FUT8: variants seen among roughly 807,000 people sequenced by gnomAD.
FUT8 encodes alpha-(1,6)-fucosyltransferase.
FUT8 carries 29 observed loss-of-function variants against 71.3 expected under a neutral mutation model. The observed-to-expected ratio is 0.41, with a 90% CI of 0.30 to 0.55. The LOEUF (loss-of-function observed/expected upper bound fraction) is 0.55, where lower values mean the gene tolerates loss of function less well. Among genes scored for constraint, FUT8 ranks in the 20% least tolerant of loss-of-function variants. FUT8 has a pLI of 0.34. For missense variants in FUT8, 544 were observed against 702.1 expected (o/e 0.77, Z 2.55); for synonymous variants, 254 against 239.3 (o/e 1.06, Z -0.57).
At chr14:65,649,718 T>C (rs888250519) in intron 6 of FUT8, among the ~76,000 whole-genome samples, 4 of 152,248 alleles carry the variant, frequency 2.6e-5, no homozygotes, top group East Asian at 1.9e-4. Context: ...ATAAATGTTA[T>C]ATTTTCCTTT....
chr14:65,423,301 G>A (rs1313160407), intron 1 of FUT8, among the ~76,000 whole-genome samples: 3 of 121,470 alleles, frequency 2.5e-5, no homozygotes, highest in African/African-American at 6.4e-5. Flanking sequence ...TGGCTCTGTC[G>A]GCCAGGCTGG....
chr14:65,376,672 A>G, the FUT8 span, among the ~76,000 whole-genome samples: 1 of 151,876 alleles, frequency 6.6e-6, no homozygotes, highest in Non-Finnish European at 1.5e-5. Flanking sequence ...TTGGCCTCCC[A>G]AAGTGCTGGG....
rs539221727 is a variant in FUT8, at chr14:65,600,630, G to A, written c.204-15348G>A. ...CATTTGTAAAAAATATGCATAAGAC[G>A]ATATTTGTAGTAACATGGGTTTCAT... On this transcript the variant is annotated intron_variant, in intron 3 of 10. Transcript: ENST00000673929. Among the ~76,000 whole-genome samples the A allele has an allele frequency of 1.2e-4, 18 of 152,244 alleles. No homozygotes were observed. The South Asian group carries it at 1.9e-3, about 16-fold the overall frequency.
intron 6 of FUT8, among the ~76,000 whole-genome samples, chr14:65,634,894 TG>T (rs1566866204): frequency 6.6e-6 from 1 of 152,182 alleles, no homozygotes; most frequent in East Asian, 1.9e-4. Context: ...TGATGGGGAT[TG>T]CATTGAATTT....
rs142166863 is a variant in FUT8, at chr14:65,606,653, A to G, written c.204-9325A>G. On this transcript the variant is annotated intron_variant, in intron 3 of 10. Coordinates refer to ENST00000673929, the MANE Select transcript of FUT8 (RefSeq NM_001371533.1). ...TCTAGGTGCTTTATTCTGTTCCATT[A>G]GTCTTATCTGGCTTTGTGCCAATAC... Among the ~76,000 whole-genome samples, 952 of 151,978 alleles carry G rather than the reference A, an allele frequency of 6.3e-3. 17 individuals carry two copies. Among genetic ancestry groups the G allele is most frequent in the East Asian group, 0.035 (182 of 5,182 alleles).
intron 1 of FUT8, among the ~76,000 whole-genome samples, chr14:65,426,949 C>T (rs1348702275): frequency 6.6e-6 from 1 of 152,010 alleles, no homozygotes; most frequent in African/African-American, 2.4e-5. Flanking sequence ...AGCTCTGCCT[C>T]CCGGGTTCAG....
intron 2 of FUT8, among the ~76,000 whole-genome samples, chr14:65,556,060 C>T (rs762548487): frequency 1.8e-4 from 28 of 152,248 alleles, no homozygotes; most frequent in Non-Finnish European, 4.4e-5. Flanking sequence ...TTGCTAGAGA[C>T]AGAAAATAAC....
At chr14:65,674,605 C>T (rs1188004781) in intron 7 of FUT8, among the ~76,000 whole-genome samples, 1 of 152,182 alleles carries the variant, frequency 6.6e-6, no homozygotes, top group African/African-American at 2.4e-5. Flanking sequence ...TTCAGAATAT[C>T]TCTATGCTTA....
intron 3 of FUT8, among the ~76,000 whole-genome samples, chr14:65,593,726 G>A (rs1011700984): frequency 5.3e-5 from 8 of 152,040 alleles, no homozygotes; most frequent in African/African-American, 1.7e-4. Flanking sequence ...ACAGGCATGC[G>A]CCTCCACACC....
Position 65,446,361 on chromosome 14 carries a change from G to A in FUT8, c.-325-9260G>A, listed in dbSNP as rs1000969385. Among the ~76,000 whole-genome samples, 4 of 152,168 alleles carry A rather than the reference G, an allele frequency of 2.6e-5. No individual in the cohort carries two copies. The South Asian group carries it at 8.3e-4, about 31-fold the overall frequency. The stretch of plus-strand genomic sequence containing the variant: ...AATTAGGTGTGATCCCTTTGGCAAG[G>A]CAATAGGAAGTGTGTCATCAGAAGG... On this transcript the variant is annotated intron_variant, in intron 1 of 10. Transcript: ENST00000673929.
At chr14:65,436,742 A>T (rs554619655) in intron 1 of FUT8, among the ~76,000 whole-genome samples, 1 of 152,290 alleles carries the variant, frequency 6.6e-6, no homozygotes, top group East Asian at 1.9e-4. Context: ...TCCAGGGGAC[A>T]TCATTCACAT....
the FUT8 span, among the ~76,000 whole-genome samples, chr14:65,372,481 T>A: frequency 6.6e-6 from 1 of 151,900 alleles, no homozygotes; most frequent in African/African-American, 2.4e-5. Flanking sequence ...AGTGGCGCGA[T>A]CTTGGCTCAC....
intron 2 of FUT8, among the ~76,000 whole-genome samples, chr14:65,540,314 A>G (rs1884601944): frequency 6.6e-6 from 1 of 152,188 alleles, no homozygotes; most frequent in South Asian, 2.1e-4. Context: ...ACTATTTCCC[A>G]GCCATGTGAT....
intron 2 of FUT8, among the ~76,000 whole-genome samples, chr14:65,539,434 T>G (rs1012185255): frequency 6.6e-5 from 10 of 152,218 alleles, no homozygotes; most frequent in Non-Finnish European, 1.3e-4. Flanking sequence ...TTAATTAACC[T>G]TTTGTGTTTT....
chr14:65,664,182 G>A (rs1197042918), intron 6 of FUT8, among the ~76,000 whole-genome samples: 3 of 152,072 alleles, frequency 2.0e-5, no homozygotes, highest in African/African-American at 7.2e-5. Flanking sequence ...ATGAAAATCT[G>A]ACAAATGTCA....
chr14:65,514,245 A>G (rs1421386169), intron 2 of FUT8, among the ~76,000 whole-genome samples: 4 of 149,968 alleles, frequency 2.7e-5, no homozygotes, highest in African/African-American at 4.9e-5. Context: ...ATTTCTGCCT[A>G]ATAGAAGAGG....
chr14:65,441,731 GAC>G (rs1162620003), intron 1 of FUT8, among the ~76,000 whole-genome samples: 15 of 115,650 alleles, frequency 1.3e-4, no homozygotes, highest in African/African-American at 4.4e-4. Context: ...CCAGCCTGGT[GAC>G]AGAGTGAGAT....
At chr14:65,544,504 T>G (rs1884872510) in intron 2 of FUT8, among the ~76,000 whole-genome samples, 1 of 152,130 alleles carries the variant, frequency 6.6e-6, no homozygotes, top group Admixed American at 6.5e-5. Context: ...TTCATTTGAA[T>G]TTACTAGTAT....
At chr14:65,691,735 A>G (rs1004073542) in intron 7 of FUT8, among the ~76,000 whole-genome samples, 185 of 151,938 alleles carry the variant, frequency 1.2e-3, no homozygotes, top group South Asian at 5.6e-3. Flanking sequence ...TTTCCTAGGC[A>G]GAGGACCCTG....
Sources: allele counts gnomAD v4.1 joint callset (sites outside exome capture counted in the v4.1 genomes callset), GRCh38; gene constraint gnomAD v4.1.1; transcripts MANE v1.5; gene names NCBI Gene and HGNC (gene_info 2026-07-23, HGNC 2026-07-21).